The following LGR6 variants were observed in gnomAD, a reference collection of about 807,000 sequenced individuals.
The protein encoded by LGR6 is leucine-rich repeat-containing G protein-coupled receptor 6.
Under a neutral mutation model 69.4 loss-of-function variants are expected in LGR6, and 45 were observed. That is an observed-to-expected ratio of 0.65 (90% confidence interval 0.51 to 0.83). The LOEUF (loss-of-function observed/expected upper bound fraction) is 0.83, where lower values mean the gene tolerates loss of function less well. Among genes scored for constraint, LGR6 ranks in the 40% least tolerant of loss-of-function variants. The pLI is 0.00. For synonymous variants in LGR6, 538 were observed against 555.0 expected (o/e 0.97, Z 0.43); for missense variants, 1,108 against 1,246.7 (o/e 0.89, Z 1.68).
intron 4 of LGR6, among the ~76,000 whole-genome samples, chr1:202,241,796 A>G (rs2148025027): frequency 6.6e-6 from 1 of 152,222 alleles, no homozygotes; most frequent in African/African-American, 2.4e-5. Flanking sequence ...GCAAGACTAA[A>G]GGGGAGAAAA....
chr1:202,271,899 T>TA (rs1665139578), intron 4 of LGR6, among the ~76,000 whole-genome samples: 1 of 148,148 alleles, frequency 6.8e-6, no homozygotes, highest in African/African-American at 2.5e-5. Context: ...CCTCCTCCAC[T>TA]CCCCTCTGTG....
At chr1:202,220,507 C>A (rs1660077579) in intron 1 of LGR6, among the ~76,000 whole-genome samples, 1 of 152,230 alleles carries the variant, frequency 6.6e-6, no homozygotes, top group Non-Finnish European at 1.5e-5. Flanking sequence ...GCGTGAGTCA[C>A]CACGCCCGGC....
intron 4 of LGR6, among the ~76,000 whole-genome samples, chr1:202,265,881 C>T (rs1664606928): frequency 6.6e-6 from 1 of 152,162 alleles, no homozygotes; most frequent in Non-Finnish European, 1.5e-5. Context: ...CAGGGGTCTT[C>T]CCATGTAATG....
rs1046022420 is a variant in LGR6, at chr1:202,251,791, C to T, written c.428+15798C>T. Among the ~76,000 whole-genome samples, 7 of 152,262 alleles carry T rather than the reference C, an allele frequency of 4.6e-5. No homozygotes were observed. The East Asian group carries it at 5.8e-4, about 13-fold the overall frequency. On this transcript the variant is annotated intron_variant, in intron 4 of 17. Transcript: ENST00000367278. ...GGGCCTGAAGGGCCTTAGAGTAAAA[C>T]CCCCCTCAGAACATCTGGAGTGTGG...
chr1:202,197,292 A>G (rs1448376713), intron 1 of LGR6: 12 of 455,800 alleles, frequency 2.6e-5, no homozygotes, highest in African/African-American at 2.4e-4. Context: ...TTTATAGCCA[A>G]CTGGTATTCT....
At chr1:202,195,097 G>T (rs1396200249) in intron 1 of LGR6, among the ~76,000 whole-genome samples, 1 of 152,152 alleles carries the variant, frequency 6.6e-6, no homozygotes, top group Non-Finnish European at 1.5e-5. Flanking sequence ...GCCCCGCTCT[G>T]GGGCAAGGAA....
At chr1:202,259,713 CCTCT>C (rs1338361783) in intron 4 of LGR6, among the ~76,000 whole-genome samples, 3 of 151,990 alleles carry the variant, frequency 2.0e-5, no homozygotes, top group Non-Finnish European at 2.9e-5. Flanking sequence ...CCTTTCCCTC[CCTCT>C]CTCTTTTAGG....
intron 6 of LGR6, among the ~76,000 whole-genome samples, chr1:202,289,540 G>T (rs778127206): frequency 6.6e-6 from 1 of 152,238 alleles, no homozygotes; most frequent in Non-Finnish European, 1.5e-5. Flanking sequence ...GCAAGAAAGA[G>T]AACGTAGGTG....
intron 1 of LGR6, among the ~76,000 whole-genome samples, chr1:202,218,264 G>A (rs566545170): frequency 4.6e-5 from 7 of 151,768 alleles, no homozygotes; most frequent in African/African-American, 1.7e-4. Flanking sequence ...TGCTATTCAG[G>A]GGGTGTTTGG....
At chr1:202,199,628 T>G (rs1198625903) in intron 1 of LGR6, among the ~76,000 whole-genome samples, 2 of 123,372 alleles carry the variant, frequency 1.6e-5, no homozygotes, top group Non-Finnish European at 3.2e-5. Flanking sequence ...TGGCCCCACA[T>G]GCGCTGCAGC....
intron 10 of LGR6, among the ~76,000 whole-genome samples, chr1:202,303,838 C>T (rs964489737): frequency 1.7e-4 from 26 of 152,164 alleles, no homozygotes; most frequent in African/African-American, 5.8e-4. Flanking sequence ...GTCAGGAAGT[C>T]GGCTGCCCTG....
rs149649846 is a variant in LGR6 at position 202,294,555 on chromosome 1, G to A, written c.717-2953G>A. On this transcript the variant is annotated intron_variant, in intron 6 of 17. Transcript: ENST00000367278. ...TCATATGTCTGGGCCCTTGGTATTGGTTGTCGGCTGGTCTTCTGTATCCAC... is the reference window on the plus strand; with the variant it reads ...TCATATGTCTGGGCCCTTGGTATTGATTGTCGGCTGGTCTTCTGTATCCAC... 2.0e-3 allele frequency among the ~76,000 whole-genome samples: 305 copies of A among 152,296 alleles called. 2 individuals carry two copies. The highest frequency in any genetic ancestry group is 3.1e-3 in the Non-Finnish European group (212 of 68,026).
intron 3 of LGR6, among the ~76,000 whole-genome samples, chr1:202,234,050 A>T (rs553679375): frequency 2.0e-5 from 3 of 152,354 alleles, no homozygotes; most frequent in Admixed American, 1.3e-4. Flanking sequence ...AAAACTCTGT[A>T]ACTGGAAAGG....
At chr1:202,238,412 C>CTT (rs60376943) in intron 4 of LGR6, among the ~76,000 whole-genome samples, 49 of 83,982 alleles carry the variant, frequency 5.8e-4, no homozygotes, top group Non-Finnish European at 9.1e-4. Context: ...CAGCCTGATC[C>CTT]TTTTTTTTTT....
chr1:202,205,731 AACAC>A (rs776343468), intron 1 of LGR6, among the ~76,000 whole-genome samples: 1 of 140,682 alleles, frequency 7.1e-6, no homozygotes, highest in Admixed American at 7.1e-5. Context: ...ACCTTCTTCA[AACAC>A]ACACACACAC....
In LGR6 at chr1:202,319,064, G is replaced by A; in HGVS notation, c.2761G>A (p.Glu921Lys). ...GGAGGGCAGCCATTGTGTAGAGCCA[G>A]AGGGGAACCACTTTGGGAACCCCCA... Reference protein sequence around the residue: ...RLEGSHCVEPEGNHFGNPQPS... With the variant: ...RLEGSHCVEPKGNHFGNPQPS... Residue 921 changes from glutamate to lysine, a missense_variant, in exon 18 of 18, where the codon GAG becomes AAG. Physicochemically the swap from Glu to Lys is moderately conservative, Grantham distance 56. Transcript: ENST00000367278. 1 of 1,614,224 alleles carries A rather than the reference G, an allele frequency of 6.2e-7. No individual in the cohort carries two copies. Among genetic ancestry groups the A allele is most frequent in the Non-Finnish European group, 8.5e-7 (1 of 1,180,024 alleles).
At chr1:202,284,468 C>G (rs1451876284) in intron 6 of LGR6, among the ~76,000 whole-genome samples, 1 of 152,168 alleles carries the variant, frequency 6.6e-6, no homozygotes, top group Non-Finnish European at 1.5e-5. Context: ...GACGGTAAAC[C>G]ACTAGAAACC....
chr1:202,260,026 C>T (rs921686948), intron 4 of LGR6, among the ~76,000 whole-genome samples: 3 of 152,180 alleles, frequency 2.0e-5, no homozygotes, highest in African/African-American at 7.2e-5. Flanking sequence ...AAGAAGAATT[C>T]CCCATTATCT....
chr1:202,277,077 G>C (rs1182462775), intron 5 of LGR6, among the ~76,000 whole-genome samples: 4 of 152,194 alleles, frequency 2.6e-5, no homozygotes, highest in Admixed American at 2.0e-4. Context: ...GGGAACTTTA[G>C]AGGGCAAATT....
Sources: gnomAD v4.1 joint callset for allele counts (sites outside exome capture counted in the v4.1 genomes callset) on GRCh38, gnomAD v4.1.1 for gene constraint, MANE v1.5 for transcripts, NCBI Gene and HGNC (gene_info 2026-07-23, HGNC 2026-07-21) for gene names.